Variants in CACNB4 observed in about 807,000 individuals in gnomAD.
CACNB4 encodes voltage-dependent L-type calcium channel subunit beta-4.
CACNB4 carries 32 observed loss-of-function variants against 71.2 expected under a neutral mutation model. That is an observed-to-expected ratio of 0.45 (90% CI 0.34 to 0.60). The LOEUF (loss-of-function observed/expected upper bound fraction) is 0.60. CACNB4 is among the 20% of genes least tolerant of loss of function. The pLI, the probability that CACNB4 is intolerant of heterozygous loss-of-function variation, is 0.01. For missense variants in CACNB4, 464 were observed against 647.9 expected (o/e 0.72, Z 3.08); for synonymous variants, 231 against 236.9 (o/e 0.97, Z 0.23).
intron 2 of CACNB4, among the ~76,000 whole-genome samples, chr2:151,993,285 C>G (rs1681822010): frequency 1.3e-5 from 2 of 151,912 alleles, no homozygotes; most frequent in African/African-American, 4.8e-5. Context: ...TTGTAGATAC[C>G]ATTTTTGTTT....
At chr2:152,010,780 G>A (rs541463380) in intron 2 of CACNB4, among the ~76,000 whole-genome samples, 5 of 152,310 alleles carry the variant, frequency 3.3e-5, no homozygotes, top group Admixed American at 2.6e-4. Flanking sequence ...ATGGCCCGGC[G>A]GCGTTTGGCA....
At chr2:151,871,072 C>T in intron 6 of CACNB4, 1 of 587,724 alleles carries the variant, frequency 1.7e-6, no homozygotes, top group Non-Finnish European at 3.0e-6. Flanking sequence ...CTCCCTGGTA[C>T]AAATGACCTT....
chr2:152,095,528 C>A (rs1418023803), intron 2 of CACNB4, among the ~76,000 whole-genome samples: 1 of 151,614 alleles, frequency 6.6e-6, no homozygotes, highest in Non-Finnish European at 1.5e-5. Context: ...TTTTGGTATT[C>A]CACTATCTTC....
intron 12 of CACNB4, chr2:151,852,239 A>AT (rs1344068888): frequency 1.3e-5 from 2 of 152,226 alleles, no homozygotes; most frequent in African/African-American, 4.8e-5. Flanking sequence ...AACTGTGAAG[A>AT]TTAGAGATAA....
intron 2 of CACNB4, among the ~76,000 whole-genome samples, chr2:151,965,799 G>A (rs1374517333): frequency 6.6e-6 from 1 of 152,030 alleles, no homozygotes; most frequent in African/African-American, 2.4e-5. Flanking sequence ...GGCTGGAAGT[G>A]CACCATGGGT....
Position 151,869,427 on chromosome 2 carries a change from C to G in CACNB4, c.700-192G>C, listed in dbSNP as rs574794712. On this transcript the variant is annotated intron_variant, in intron 8 of 13. Coordinates refer to ENST00000539935, the MANE Select transcript of CACNB4 (RefSeq NM_000726.5). ...ATGTGCAATTGCTAATTTCCACCCC[C>G]CTTGGTTCTCCTCCAGGGTGTTGAG... is the stretch of plus-strand genomic sequence containing the variant. 1.1e-5 allele frequency: 6 copies of G among 530,748 alleles called. No homozygotes were observed. The East Asian group carries it at 1.5e-4, about 14-fold the overall frequency. The allele number at this position is 530,748 out of a possible 1,614,324, so 32.9% of individuals were successfully genotyped here.
At chr2:151,845,992 A>T (rs1182196203) in intron 12 of CACNB4, among the ~76,000 whole-genome samples, 2 of 152,272 alleles carry the variant, frequency 1.3e-5, no homozygotes, top group Non-Finnish European at 2.9e-5. Context: ...ATGAAAGCTA[A>T]AATGGCAGAG....
At chr2:152,001,869 AAGAGC>A (rs1389185091) in intron 2 of CACNB4, among the ~76,000 whole-genome samples, 2 of 152,220 alleles carry the variant, frequency 1.3e-5, no homozygotes, top group Non-Finnish European at 2.9e-5. Flanking sequence ...AATGGTCAGC[AAGAGC>A]TATCCTCATC....
chr2:152,083,354 G>GAGGA (rs60182260), intron 2 of CACNB4, among the ~76,000 whole-genome samples: 1 of 150,528 alleles, frequency 6.6e-6, no homozygotes, highest in African/African-American at 2.5e-5. Context: ...GGAAGGAAGG[G>GAGGA]AGGAAGGAAG....
At chr2:151,980,972 C>T (rs1374465747) in intron 2 of CACNB4, among the ~76,000 whole-genome samples, 1 of 152,166 alleles carries the variant, frequency 6.6e-6, no homozygotes, top group Non-Finnish European at 1.5e-5. Flanking sequence ...CACAAGATGT[C>T]CCCTCTGTCA....
rs369649971 is a variant in CACNB4 at position 151,890,977 on chromosome 2, T to C, written c.148-7607A>G. The stretch of plus-strand genomic sequence containing the variant: ...CCTCCGATTATGTTCACACCACTTA[T>C]TTACAGATTATTTCTTGTAATTAAA... On this transcript the variant is annotated intron_variant, in intron 2 of 13. Transcript: ENST00000539935. Among the ~76,000 whole-genome samples the C allele has an allele frequency of 3.9e-5, 6 of 152,320 alleles. No individual in the cohort carries two copies. In the East Asian group the frequency reaches 9.6e-4, roughly 24 times the overall value.
At chr2:151,913,296 C>T (rs1465991572) in intron 2 of CACNB4, among the ~76,000 whole-genome samples, 1 of 152,064 alleles carries the variant, frequency 6.6e-6, no homozygotes, top group Non-Finnish European at 1.5e-5. Flanking sequence ...TTTTGCAGTG[C>T]CTGGTACTGG....
At chr2:151,941,708 C>T (rs1475425314) in intron 2 of CACNB4, among the ~76,000 whole-genome samples, 1 of 152,096 alleles carries the variant, frequency 6.6e-6, no homozygotes, top group East Asian at 1.9e-4. Flanking sequence ...CAGGTATTTA[C>T]CAAGTGTGCA....
chr2:151,837,906 C>A lies in CACNB4; in HGVS notation c.*1213G>T, dbSNP rs1173739387. On this transcript the variant is annotated 3_prime_UTR_variant, in exon 14 of 14. Coordinates refer to ENST00000539935, the MANE Select transcript of CACNB4 (RefSeq NM_000726.5). ...ATTTTTTACTGCAAGCTTTTAAAAT[C>A]ATTTGTTTCAACTTTTTTCAATTAG... 6.6e-6 allele frequency: 1 copy of A among 152,130 alleles called. No individual in the cohort carries two copies. The highest frequency in any genetic ancestry group is 1.5e-5 in the Non-Finnish European group (1 of 67,990). The allele number at this position is 152,130 out of a possible 1,614,324, so 9.4% of individuals were successfully genotyped here. A position where few individuals can be genotyped will look rare whatever the true frequency, so the allele number is the denominator to read the frequency against.
At chr2:151,952,552 G>A (rs763731610) in intron 2 of CACNB4, among the ~76,000 whole-genome samples, 1 of 152,126 alleles carries the variant, frequency 6.6e-6, no homozygotes, top group African/African-American at 2.4e-5. Flanking sequence ...AAAGGAATGC[G>A]CAAAGAAAAT....
At chr2:151,870,803 G>T in intron 7 of CACNB4, 39 bp downstream of exon 7, 1 of 1,552,768 alleles carries the variant, frequency 6.4e-7, no homozygotes, top group Non-Finnish European at 8.8e-7. Flanking sequence ...GTATATATAG[G>T]AACCTTAACA....
intron 2 of CACNB4, among the ~76,000 whole-genome samples, chr2:151,959,666 ACT>A (rs1430970129): frequency 1.3e-5 from 2 of 151,686 alleles, no homozygotes; most frequent in Non-Finnish European, 2.9e-5. Context: ...TTTGTATCCG[ACT>A]CTTTTTTTTC....
intron 2 of CACNB4, among the ~76,000 whole-genome samples, chr2:151,893,239 C>T (rs2099851174): frequency 6.6e-6 from 1 of 151,960 alleles, no homozygotes. Flanking sequence ...AAATAGATCC[C>T]TATTTTATAT....
chr2:151,952,238 T>C (rs2099867083), intron 2 of CACNB4, among the ~76,000 whole-genome samples: 1 of 152,142 alleles, frequency 6.6e-6, no homozygotes, highest in Admixed American at 6.5e-5. Flanking sequence ...CTACGAGATG[T>C]ATAAATAACA....
Sources: gnomAD v4.1 joint callset for allele counts (sites outside exome capture counted in the v4.1 genomes callset) on GRCh38, gnomAD v4.1.1 for gene constraint, MANE v1.5 for transcripts, NCBI Gene and HGNC (gene_info 2026-07-23, HGNC 2026-07-21) for gene names.